The following TTC17 variants were observed in gnomAD, a reference collection of about 807,000 sequenced individuals.
The protein encoded by TTC17 is tetratricopeptide repeat domain 17.
TTC17 carries 58 observed loss-of-function variants against 143.8 expected under a neutral mutation model. The ratio of observed to expected loss-of-function variants is 0.40; its 90% CI spans 0.33 to 0.50. The LOEUF (loss-of-function observed/expected upper bound fraction) is 0.50, where lower values mean the gene tolerates loss of function less well. TTC17 is among the 20% of genes least tolerant of loss of function. The pLI is 0.49. For missense variants in TTC17, 1,273 were observed against 1,392.5 expected, an observed-to-expected ratio of 0.91 and a Z score of 1.37; for synonymous variants, 501 against 497.8, an observed-to-expected ratio of 1.01 and a Z score of -0.09.
chr11:43,460,728 C>T (rs957905835), intron 21 of TTC17, among the ~76,000 whole-genome samples: 1 of 152,160 alleles, frequency 6.6e-6, no homozygotes, highest in African/African-American at 2.4e-5. Context: ...GGGGACTCCA[C>T]CAAAGATGGC....
At chr11:43,451,027 G>A (rs7927009) in intron 20 of TTC17, among the ~76,000 whole-genome samples, 155 bp from the exon 21 acceptor site, 1,525 of 152,232 alleles carry the variant, frequency 0.01, 30 homozygotes, top group African/African-American at 0.033. Context: ...AGCCTTAAAT[G>A]TGTCTTCCAT....
At chr11:43,423,683 G>T (rs1326903396) in intron 16 of TTC17, among the ~76,000 whole-genome samples, 2 of 152,166 alleles carry the variant, frequency 1.3e-5, no homozygotes, top group African/African-American at 4.8e-5. Flanking sequence ...TATGAAAAAT[G>T]ATAATGATTT....
At chr11:43,405,716 A>C in intron 12 of TTC17, 70 bp from the exon 13 acceptor site, 2 of 1,611,932 alleles carry the variant, frequency 1.2e-6, no homozygotes, top group Non-Finnish European at 1.7e-6. Flanking sequence ...TGGACTTGAA[A>C]AGTTAAGTCT....
intron 21 of TTC17, among the ~76,000 whole-genome samples, chr11:43,453,515 C>G (rs1947705222): frequency 2.0e-5 from 3 of 152,180 alleles, no homozygotes; most frequent in African/African-American, 7.2e-5. Context: ...TGCTACCAAA[C>G]TGACCATCAA....
intron 1 of TTC17, among the ~76,000 whole-genome samples, chr11:43,359,612 A>G (rs994685187): frequency 6.6e-6 from 1 of 152,078 alleles, no homozygotes; most frequent in African/African-American, 2.4e-5. Flanking sequence ...CACATGGTGG[A>G]TTTCGTTTCT....
At position 43,361,690 on chromosome 11, in the gene TTC17, C is replaced by A. The variant is rs547181631; in HGVS notation, c.159+2577C>A. Among the ~76,000 whole-genome samples, 5 of 152,302 alleles carry A rather than the reference C, an allele frequency of 3.3e-5. No individual in the cohort carries two copies. The South Asian group carries it at 1.0e-3, about 32-fold the overall frequency. On this transcript the variant is annotated intron_variant, in intron 1 of 23. Coordinates refer to ENST00000039989, the MANE Select transcript of TTC17 (RefSeq NM_018259.6). ...AAGTTGAACCATCGAAAGGTGGGGACCATCTGTATACTTTGTCCTGACATA... is the reference window on the plus strand; with the variant it reads ...AAGTTGAACCATCGAAAGGTGGGGAACATCTGTATACTTTGTCCTGACATA...
At chr11:43,459,175 G>A (rs1947818784) in intron 21 of TTC17, among the ~76,000 whole-genome samples, 1 of 152,148 alleles carries the variant, frequency 6.6e-6, no homozygotes, top group African/African-American at 2.4e-5. Flanking sequence ...TTATGGCAAG[G>A]ATACGATGTC....
At position 43,470,654 on chromosome 11, in the gene TTC17, C is replaced by G. The variant is rs532381856; in HGVS notation, c.3030+19389C>G. Reference sequence around the variant, plus strand: ...ATCCAACATTGTTTTCCATTTTAGGCTCACGGACGGACTTCCACGACCTTG... The same window carrying G: ...ATCCAACATTGTTTTCCATTTTAGGGTCACGGACGGACTTCCACGACCTTG... On this transcript the variant is annotated intron_variant, in intron 21 of 23. Transcript: ENST00000039989. Among the ~76,000 whole-genome samples, 191 of 152,304 alleles carry G rather than the reference C, an allele frequency of 1.3e-3. 1 individual carries two copies. The highest frequency in any genetic ancestry group is 4.3e-3 in the African/African-American group (177 of 41,578).
At chr11:43,444,696 C>T (rs1237625134) in intron 18 of TTC17, among the ~76,000 whole-genome samples, 2 of 148,340 alleles carry the variant, frequency 1.3e-5, no homozygotes, top group African/African-American at 5.0e-5. Flanking sequence ...ATACGTGCAG[C>T]GTACATAGGC....
chr11:43,403,547 A>G (rs907513442), intron 10 of TTC17, among the ~76,000 whole-genome samples: 1 of 152,186 alleles, frequency 6.6e-6, no homozygotes, highest in Non-Finnish European at 1.5e-5. Context: ...ATTGCACAAC[A>G]GTCTGTAATC....
intron 1 of TTC17, among the ~76,000 whole-genome samples, chr11:43,364,033 G>A (rs543963062): frequency 3.3e-5 from 5 of 150,900 alleles, no homozygotes; most frequent in East Asian, 1.9e-4. Context: ...CGGTATCTTC[G>A]GAGTACAGAT....
At chr11:43,478,219 A>G (rs1402867160) in intron 21 of TTC17, among the ~76,000 whole-genome samples, 1 of 152,224 alleles carries the variant, frequency 6.6e-6, no homozygotes, top group Non-Finnish European at 1.5e-5. Context: ...ACTAATGAAG[A>G]TGGACCCCAG....
chr11:43,411,416 G>A (rs1371313252), intron 15 of TTC17, among the ~76,000 whole-genome samples: 2 of 151,614 alleles, frequency 1.3e-5, no homozygotes, highest in Non-Finnish European at 1.5e-5. Context: ...GTTTTAAATG[G>A]TGCACTCCCC....
Position 43,460,442 on chromosome 11 carries a change from C to T in TTC17, c.3030+9177C>T, listed in dbSNP as rs573907677. Among the ~76,000 whole-genome samples, 41 of 152,244 alleles carry T rather than the reference C, an allele frequency of 2.7e-4. 1 individual carries two copies. The highest frequency in any genetic ancestry group is 9.9e-4 in the African/African-American group (41 of 41,542). On this transcript the variant is annotated intron_variant, in intron 21 of 23. Transcript: ENST00000039989. ...AAATACCAATTTCCTCAGTGGTTTT[C>T]CAGCCTCCGTTAGTAGTCTCTTTGC...
At position 43,407,218 on chromosome 11, in the gene TTC17, G is replaced by A. The variant is rs1449189052; in HGVS notation, c.1839+3G>A. On this transcript the variant is annotated splice_donor_region_variant and intron_variant, in intron 14 of 23. Transcript: ENST00000039989. Reference sequence around the variant, plus strand: ...TCTTATTTCATGCTATTAATAAGGTGAGTCATTTACTTTAGACATCTAAAA... The same window carrying A: ...TCTTATTTCATGCTATTAATAAGGTAAGTCATTTACTTTAGACATCTAAAA... 4.4e-6 allele frequency: 7 copies of A among 1,587,892 alleles called. No individual in the cohort carries two copies. In the South Asian group the frequency reaches 4.6e-5, roughly 10 times the overall value.
chr11:43,451,281 G>A lies in TTC17; in HGVS notation c.3030+16G>A. ...TTTGGAAAAGGTAAGTCACCCCACA[G>A]AAAAGCTGGAAACAATTGCCCTCCT... is the stretch of plus-strand genomic sequence containing the variant. On this transcript the variant is annotated intron_variant, in intron 21 of 23. Transcript: ENST00000039989. 2 of 1,610,162 alleles carry A rather than the reference G, an allele frequency of 1.2e-6. No homozygotes were observed. Among genetic ancestry groups the A allele is most frequent in the East Asian group, 2.2e-5 (1 of 44,826 alleles).
intron 1 of TTC17, among the ~76,000 whole-genome samples, chr11:43,375,164 A>G (rs1269885451): frequency 6.6e-6 from 1 of 152,176 alleles, no homozygotes; most frequent in African/African-American, 2.4e-5. Flanking sequence ...TAGATACAAG[A>G]TGGCTAGTTA....
At chr11:43,447,716 A>G (rs1481236117) in intron 18 of TTC17, 14 of 268,602 alleles carry the variant, frequency 5.2e-5, no homozygotes, top group Non-Finnish European at 2.8e-5. Flanking sequence ...GAATGTTAAC[A>G]TTGAAGAATG....
intron 2 of TTC17, among the ~76,000 whole-genome samples, chr11:43,385,274 A>G (rs1857127604): frequency 6.6e-6 from 1 of 152,206 alleles, no homozygotes; most frequent in South Asian, 2.1e-4. Context: ...GATAACATAC[A>G]GTGTTTTCAA....
Sources: gnomAD v4.1 joint callset for allele counts (sites outside exome capture counted in the v4.1 genomes callset) on GRCh38, gnomAD v4.1.1 for gene constraint, MANE v1.5 for transcripts, NCBI Gene and HGNC (gene_info 2026-07-23, HGNC 2026-07-21) for gene names.